DPH6: variants seen among roughly 807,000 people sequenced by gnomAD.
DPH6 encodes the protein diphthamine biosynthesis 6, also known as diphthine--ammonia ligase.
In DPH6, 33 loss-of-function variants were observed where a neutral mutation model predicts 38.2. The ratio of observed to expected loss-of-function variants is 0.86; its 90% CI spans 0.65 to 1.15. The LOEUF is 1.15. Ranked by LOEUF, DPH6 falls within the 50% of genes most tolerant of loss-of-function variation. DPH6 has a pLI of 0.00. For missense variants in DPH6, 325 were observed against 320.0 expected, an observed-to-expected ratio of 1.02 and a Z score of -0.12; for synonymous variants, 108 against 103.0, an observed-to-expected ratio of 1.05 and a Z score of -0.30.
chr15:35,188,997 C>A, the DPH6 span, among the ~76,000 whole-genome samples: 3 of 152,090 alleles, frequency 2.0e-5, no homozygotes, highest in African/African-American at 7.2e-5. Flanking sequence ...GTCATTATTT[C>A]GAGTTTGAAG....
chr15:35,171,019 C>G, the DPH6 span, among the ~76,000 whole-genome samples: 1 of 152,080 alleles, frequency 6.6e-6, no homozygotes, highest in Admixed American at 6.5e-5. Flanking sequence ...TACATTCTTC[C>G]CCTTTCTTGT....
chr15:35,366,581 C>T (rs2052663313), downstream of DPH6, among the ~76,000 whole-genome samples: 2 of 152,030 alleles, frequency 1.3e-5, no homozygotes, highest in South Asian at 4.1e-4. Flanking sequence ...TTACTCCCTT[C>T]CTGCTCCCTT....
intron 3 of DPH6, among the ~76,000 whole-genome samples, chr15:35,230,224 T>C (rs2051507652): frequency 6.6e-6 from 1 of 152,128 alleles, no homozygotes; most frequent in African/African-American, 2.4e-5. Context: ...GAGCTGGCAC[T>C]CAAATCACAA....
chr15:35,213,544 A>C (rs1169914763), downstream of DPH6, among the ~76,000 whole-genome samples: 1 of 152,208 alleles, frequency 6.6e-6, no homozygotes, highest in East Asian at 1.9e-4. Context: ...GCTTTTCTTA[A>C]ATATTTAGAA....
chr15:35,498,943 T>TA (rs61542040), intron 3 of DPH6, among the ~76,000 whole-genome samples: 9,540 of 108,296 alleles, frequency 0.088, 767 homozygotes, highest in African/African-American at 0.22. Flanking sequence ...CCTCATCTCT[T>TA]AAAAAAAAAA....
intron 3 of DPH6, chr15:35,237,292 A>G (rs2051559965): frequency 7.7e-6 from 12 of 1,548,702 alleles, no homozygotes; most frequent in Admixed American, 5.0e-5. Context: ...ATTGAATTCC[A>G]GCGGCGCGGG....
chr15:35,237,824 C>G (rs1595440681), intron 3 of DPH6: 2 of 1,565,122 alleles, frequency 1.3e-6, no homozygotes, highest in Admixed American at 1.7e-5. Context: ...CGTGGAGGGC[C>G]TGGAGGAGGA....
intron 3 of DPH6, among the ~76,000 whole-genome samples, chr15:35,503,157 T>C (rs2054649814): frequency 6.6e-6 from 1 of 151,904 alleles, no homozygotes; most frequent in African/African-American, 2.4e-5. Context: ...TGTTGCCTGC[T>C]ATGATTCCTA....
At chr15:35,417,588 C>T (rs1267336009) in intron 5 of DPH6, among the ~76,000 whole-genome samples, 2 of 151,860 alleles carry the variant, frequency 1.3e-5, no homozygotes, top group Non-Finnish European at 1.5e-5. Flanking sequence ...TTTACTTTAC[C>T]AACAAGAAGA....
At chr15:35,392,489 A>G (rs1047320493) in intron 6 of DPH6, among the ~76,000 whole-genome samples, 5 of 152,100 alleles carry the variant, frequency 3.3e-5, no homozygotes, top group African/African-American at 4.8e-5. Context: ...AAAAATCGCA[A>G]TTTCATTTTA....
At chr15:35,339,788 G>T (rs1006197411) in intron 3 of DPH6, among the ~76,000 whole-genome samples, 25 of 152,012 alleles carry the variant, frequency 1.6e-4, no homozygotes, top group African/African-American at 5.6e-4. Context: ...TTTGCTGAGG[G>T]GTGTTTTACT....
chr15:35,198,026 T>TA, the DPH6 span, among the ~76,000 whole-genome samples: 5 of 151,512 alleles, frequency 3.3e-5, no homozygotes, highest in Admixed American at 1.3e-4. Context: ...ATATTTTATA[T>TA]AAAAAAAAGA....
intron 3 of DPH6, among the ~76,000 whole-genome samples, chr15:35,279,814 C>G (rs760145202): frequency 6.6e-6 from 1 of 152,106 alleles, no homozygotes; most frequent in African/African-American, 2.4e-5. Flanking sequence ...ACTAACTCCC[C>G]ACCCCCCAAA....
chr15:35,454,509 A>G (rs1025736482), intron 4 of DPH6, among the ~76,000 whole-genome samples: 4 of 152,088 alleles, frequency 2.6e-5, no homozygotes, highest in Non-Finnish European at 5.9e-5. Flanking sequence ...ATCTGTCTCA[A>G]TTCTATTATA....
chr15:35,505,939 C>T (rs1292962695), intron 3 of DPH6, among the ~76,000 whole-genome samples: 2 of 151,966 alleles, frequency 1.3e-5, no homozygotes, highest in Non-Finnish European at 2.9e-5. Flanking sequence ...TTACACTTGT[C>T]AGTATTTTAA....
intron 3 of DPH6, among the ~76,000 whole-genome samples, chr15:35,349,975 T>C (rs1595493498): frequency 6.6e-6 from 1 of 152,322 alleles, no homozygotes; most frequent in Admixed American, 6.5e-5. Context: ...ACTTCTGAAA[T>C]GAATTTGGAG....
intron 7 of DPH6, among the ~76,000 whole-genome samples, chr15:35,377,155 T>C (rs1243391781): frequency 6.6e-6 from 1 of 152,154 alleles, no homozygotes; most frequent in Admixed American, 6.6e-5. Flanking sequence ...AAATAAAGTA[T>C]TTGCTTTATA....
intron 5 of DPH6, among the ~76,000 whole-genome samples, chr15:35,428,677 C>G (rs2053597691): frequency 1.3e-5 from 2 of 152,056 alleles, no homozygotes; most frequent in African/African-American, 4.8e-5. Flanking sequence ...TCCTCTGAAG[C>G]CAAAGAAAGT....
rs150549791 is a variant in DPH6, at chr15:35,275,683, C to T, written n.201-55101G>A. On this transcript the variant is annotated intron_variant and non_coding_transcript_variant, in intron 3 of 3. Transcript: ENST00000560386. ...TGTATACCTATGTAACAAACTTGCA[C>T]ATTCTGCACATGTATCTCAGACCTT... Among the ~76,000 whole-genome samples, 1,061 of 150,020 alleles carry T rather than the reference C, an allele frequency of 7.1e-3. 17 individuals carry two copies. Among genetic ancestry groups the T allele is most frequent in the African/African-American group, 0.024 (988 of 40,758 alleles).
Sources: allele counts gnomAD v4.1 joint callset (sites outside exome capture counted in the v4.1 genomes callset), GRCh38; gene constraint gnomAD v4.1.1; transcripts MANE v1.5; gene names NCBI Gene and HGNC (gene_info 2026-07-23, HGNC 2026-07-21).